The following MARCHF6 variants were observed in gnomAD, a reference collection of about 807,000 sequenced individuals.
MARCHF6 encodes membrane associated ring-CH-type finger 6, also known as E3 ubiquitin-protein ligase MARCHF6.
In MARCHF6, 31 loss-of-function variants were observed where a neutral mutation model predicts 133.7. That is an observed-to-expected ratio of 0.23 (90% CI 0.17 to 0.31). The LOEUF (loss-of-function observed/expected upper bound fraction) is 0.31. MARCHF6 is among the 10% of genes least tolerant of loss of function. The pLI, the probability that MARCHF6 is intolerant of heterozygous loss-of-function variation, is 1.00. For missense variants in MARCHF6, 723 were observed against 1,121.6 expected, an observed-to-expected ratio of 0.64 and a Z score of 5.08; for synonymous variants, 395 against 402.5, an observed-to-expected ratio of 0.98 and a Z score of 0.22.
At position 10,438,788 on chromosome 5, in the gene MARCHF6, C is replaced by G. The variant is rs758978353; in HGVS notation, c.*5104C>G. The G allele has an allele frequency of 6.6e-6, 1 of 152,126 alleles. No homozygotes were observed. Among genetic ancestry groups the G allele is most frequent in the African/African-American group, 2.4e-5 (1 of 41,420 alleles). 9.4% of individuals were successfully genotyped at this position (152,126 alleles called of 1,614,324 possible). A position where few individuals can be genotyped will look rare whatever the true frequency, so the allele number is the denominator to read the frequency against. On this transcript the variant is annotated 3_prime_UTR_variant, in exon 26 of 26. Coordinates refer to ENST00000274140, the MANE Select transcript of MARCHF6 (RefSeq NM_005885.4). ...TGGGGAACACAGAGAAAGGTTCACC[C>G]GGGAGAGATGGCCTAGCCACTTCCT... is the stretch of plus-strand genomic sequence containing the variant.
chr5:10,359,594 C>G (rs748867153), intron 1 of MARCHF6, among the ~76,000 whole-genome samples: 16 of 151,890 alleles, frequency 1.1e-4, no homozygotes, highest in Admixed American at 7.9e-4. Flanking sequence ...AAAAAATTCT[C>G]CAATATATTT....
chr5:10,375,446 C>T (rs1294632828), intron 1 of MARCHF6, among the ~76,000 whole-genome samples: 2 of 152,268 alleles, frequency 1.3e-5, no homozygotes, highest in African/African-American at 4.8e-5. Flanking sequence ...CCCACCCACT[C>T]CATGGGCTCC....
At chr5:10,428,320 AT>A (rs1423191921) in intron 24 of MARCHF6, among the ~76,000 whole-genome samples, 2 of 141,686 alleles carry the variant, frequency 1.4e-5, no homozygotes, top group African/African-American at 5.3e-5. Context: ...TTCAAAGCCC[AT>A]TGCTTTTTAG....
chr5:10,382,008 A>C lies in MARCHF6; in HGVS notation c.334+65A>C, dbSNP rs1737177684. ...GCATAACTACTTAATATTATAAAGC[A>C]ATATTGCATCATATTATTATTTGAC... is the stretch of plus-strand genomic sequence containing the variant. On this transcript the variant is annotated intron_variant, in intron 4 of 25. Transcript: ENST00000274140. 5 of 1,404,882 alleles carry C rather than the reference A, an allele frequency of 3.6e-6. No individual in the cohort carries two copies. The African/African-American group carries it at 7.2e-5, about 20-fold the overall frequency. 87.0% of individuals were successfully genotyped at this position (1,404,882 alleles called of 1,614,324 possible). A position where few individuals can be genotyped will look rare whatever the true frequency, so the allele number is the denominator to read the frequency against.
At chr5:10,410,793 C>T (rs545706490) in intron 18 of MARCHF6, among the ~76,000 whole-genome samples, 2 of 152,240 alleles carry the variant, frequency 1.3e-5, no homozygotes, top group East Asian at 3.9e-4. Flanking sequence ...GTTATATTTG[C>T]TTGAACATCT....
intron 1 of MARCHF6, among the ~76,000 whole-genome samples, chr5:10,365,199 T>C (rs1736067790): frequency 6.6e-6 from 1 of 152,190 alleles, no homozygotes; most frequent in Non-Finnish European, 1.5e-5. Flanking sequence ...TTTTCAGGCT[T>C]CCAGGAGCAA....
intron 5 of MARCHF6, among the ~76,000 whole-genome samples, chr5:10,387,475 G>A (rs1737553788): frequency 9.2e-5 from 14 of 151,730 alleles, no homozygotes; most frequent in Admixed American, 9.2e-4. Context: ...GCTAATTTTT[G>A]TATTTTTAGT....
At chr5:10,390,987 A>G (rs1382807643) in intron 6 of MARCHF6, among the ~76,000 whole-genome samples, 1 of 152,236 alleles carries the variant, frequency 6.6e-6, no homozygotes, top group Non-Finnish European at 1.5e-5. Context: ...ATTATACTGA[A>G]TGAATATGTA....
chr5:10,358,421 G>A (rs572376116), intron 1 of MARCHF6, among the ~76,000 whole-genome samples: 2 of 152,220 alleles, frequency 1.3e-5, no homozygotes, highest in South Asian at 2.1e-4. Flanking sequence ...TGTGGGTTTC[G>A]CATCTGTGGA....
chr5:10,371,821 A>G (rs1736483925), intron 1 of MARCHF6, among the ~76,000 whole-genome samples: 1 of 152,152 alleles, frequency 6.6e-6, no homozygotes, highest in Non-Finnish European at 1.5e-5. Flanking sequence ...AGTTTCTAGT[A>G]CATTATACCA....
chr5:10,360,862 GC>G (rs1735778875), intron 1 of MARCHF6, among the ~76,000 whole-genome samples: 1 of 152,192 alleles, frequency 6.6e-6, no homozygotes, highest in African/African-American at 2.4e-5. Flanking sequence ...TTAGACTGAA[GC>G]CCTGTGAGTG....
At chr5:10,387,629 C>T (rs572711048) in intron 5 of MARCHF6, among the ~76,000 whole-genome samples, 31 of 152,052 alleles carry the variant, frequency 2.0e-4, no homozygotes, top group African/African-American at 5.8e-4. Flanking sequence ...TAGGCTGTCA[C>T]GCAGTTTGAG....
chr5:10,426,565 TA>T, intron 24 of MARCHF6, 43 bp downstream of exon 24: 1 of 1,605,282 alleles, frequency 6.2e-7, no homozygotes, highest in Non-Finnish European at 8.5e-7. Context: ...GCACTTTTAT[TA>T]ACATTGGACA....
intron 1 of MARCHF6, among the ~76,000 whole-genome samples, chr5:10,354,940 A>AT (rs112088802): frequency 2.4e-4 from 37 of 151,758 alleles, no homozygotes; most frequent in Middle Eastern, 3.4e-3. Flanking sequence ...ATAACGACTT[A>AT]TTTTTTTTTA....
chr5:10,379,094 T>G (rs574454279), intron 3 of MARCHF6, among the ~76,000 whole-genome samples: 1 of 152,156 alleles, frequency 6.6e-6, no homozygotes, highest in South Asian at 2.1e-4. Context: ...ATTTATTTAC[T>G]TTTAATTGTA....
Position 10,417,344 on chromosome 5 carries a change from G to C in MARCHF6, c.2223G>C (p.Leu741=), listed in dbSNP as rs762888520. The change falls in exon 22 of 26, where the codon CTG becomes CTC. Residue 741 remains leucine (L), a synonymous_variant. Transcript: ENST00000274140. ...VPLLLGLLFE[L]VIVAPLRVPL... ...TCCTTCTGGGGCTCCTGTTTGAGCT[G>C]GTCATTGTGGCTCCCCTGAGGGTTC... 1 of 1,614,100 alleles carries C rather than the reference G, an allele frequency of 6.2e-7. No homozygotes were observed. The highest frequency in any genetic ancestry group is 1.7e-5 in the Admixed American group (1 of 60,002).
chr5:10,409,274 A>G (rs991133769), intron 17 of MARCHF6, among the ~76,000 whole-genome samples: 1 of 152,250 alleles, frequency 6.6e-6, no homozygotes, highest in African/African-American at 2.4e-5. Context: ...AAAAAATGCC[A>G]GTAAGGGTAT....
chr5:10,376,403 C>T (rs1280043863), intron 1 of MARCHF6, among the ~76,000 whole-genome samples: 1 of 152,086 alleles, frequency 6.6e-6, no homozygotes. Context: ...CCGAACACGT[C>T]CGAACATCAG....
rs1413715288 is a variant in MARCHF6 at position 10,353,794 on chromosome 5, C to T, written c.-105C>T. 2 of 988,594 alleles carry T rather than the reference C, an allele frequency of 2.0e-6. No homozygotes were observed. The highest frequency in any genetic ancestry group is 1.7e-5 in the African/African-American group (1 of 59,416). The allele number at this position is 988,594 out of a possible 1,614,324, so 61.2% of individuals were successfully genotyped here. ...TCTCGCTTCCTCTCTCGCACCTGAGCGTACGCACCTGCCCGGGCCCGGCTC... is the reference window on the plus strand; with the variant it reads ...TCTCGCTTCCTCTCTCGCACCTGAGTGTACGCACCTGCCCGGGCCCGGCTC... On this transcript the variant is annotated 5_prime_UTR_variant, in exon 1 of 26. Coordinates refer to ENST00000274140, the MANE Select transcript of MARCHF6 (RefSeq NM_005885.4).
Sources: gnomAD v4.1 joint callset for allele counts (sites outside exome capture counted in the v4.1 genomes callset) on GRCh38, gnomAD v4.1.1 for gene constraint, MANE v1.5 for transcripts, NCBI Gene and HGNC (gene_info 2026-07-23, HGNC 2026-07-21) for gene names.